POLR3B: variants seen among roughly 807,000 people sequenced by gnomAD.
POLR3B encodes DNA-directed RNA polymerase III subunit RPC2.
In POLR3B, 96 loss-of-function variants were observed where a neutral mutation model predicts 147.4. The observed-to-expected ratio is 0.65, with a 90% CI of 0.55 to 0.77. The LOEUF is 0.77. Ranked by LOEUF, POLR3B falls within the 30% of genes least tolerant of loss-of-function variation. POLR3B has a pLI of 0.00. For synonymous variants in POLR3B, 461 were observed against 485.9 expected (o/e 0.95, Z 0.67); for missense variants, 1,036 against 1,413.5 (o/e 0.73, Z 4.28).
chr12:106,459,104 G>T (rs1023216280), intron 21 of POLR3B, 147 bp from the exon 22 acceptor site: 2 of 656,794 alleles, frequency 3.0e-6, no homozygotes, highest in Non-Finnish European at 5.6e-6. Context: ...ATAGCTCACT[G>T]CAGCCTCAAC....
rs903767927 is a variant in POLR3B, at chr12:106,444,246, A to G, written c.1956-217A>G. Among the ~76,000 whole-genome samples, 13 of 152,180 alleles carry G rather than the reference A, an allele frequency of 8.5e-5. No individual in the cohort carries two copies. In the East Asian group the frequency reaches 9.6e-4, roughly 11 times the overall value. On this transcript the variant is annotated intron_variant, in intron 18 of 27. Transcript: ENST00000228347. ...ATGTGAATATTGTTGATGTATTTCT[A>G]TGTGTTGAATATAGTAATTTATGTG... is the stretch of plus-strand genomic sequence containing the variant.
At chr12:106,363,740 T>G in intron 1 of POLR3B, 130 bp from the exon 2 acceptor site, 2 of 791,264 alleles carry the variant, frequency 2.5e-6, no homozygotes, top group South Asian at 1.5e-5. Flanking sequence ...GTGATTTCCA[T>G]AAAAATGTTT....
chr12:106,405,781 T>C lies in POLR3B; in HGVS notation c.847-76T>C, dbSNP rs2037143423. 4.2e-6 allele frequency: 6 copies of C among 1,415,808 alleles called. No individual in the cohort carries two copies. The East Asian group carries it at 1.4e-4, about 32-fold the overall frequency. 87.7% of individuals were successfully genotyped at this position (1,415,808 alleles called of 1,614,324 possible). On this transcript the variant is annotated intron_variant, in intron 10 of 27. Transcript: ENST00000228347. ...GGGTCTTTATCTCTTTCGCTCATAC[T>C]GTACATGTGGTTAGGTGCTTGCTAA... is the stretch of plus-strand genomic sequence containing the variant.
In POLR3B at chr12:106,496,143, C is replaced by T. The variant is rs1280198019; in HGVS notation, c.2802C>T (p.Phe934=). 1 of 1,601,332 alleles carries T rather than the reference C, an allele frequency of 6.2e-7. No individual in the cohort carries two copies. The highest frequency in any genetic ancestry group is 1.3e-5 in the African/African-American group (1 of 74,772). ...ACATCATCATGAACCCACACGGCTT[C>T]CCATCACGAATGACGGTCAGTGACC... is the stretch of plus-strand genomic sequence containing the variant. The part of the protein sequence containing the change: ...CPDIIMNPHG[F]PSRMTVGKLI... The change falls in exon 24 of 28, where the codon TTC becomes TTT. Residue 934 remains phenylalanine (F), a synonymous_variant. Transcript: ENST00000228347.
At chr12:106,470,299 A>T (rs1279177075) in intron 23 of POLR3B, among the ~76,000 whole-genome samples, 1 of 152,064 alleles carries the variant, frequency 6.6e-6, no homozygotes, top group Non-Finnish European at 1.5e-5. Context: ...TTTCAGTTAC[A>T]TCAGGTCATT....
chr12:106,478,672 A>G (rs1371462710), intron 23 of POLR3B, among the ~76,000 whole-genome samples: 1 of 152,216 alleles, frequency 6.6e-6, no homozygotes, highest in East Asian at 1.9e-4. Context: ...TAACAGAGTA[A>G]TAGAAGGATT....
At chr12:106,446,417 CAAAAA>C (rs10654233) in intron 19 of POLR3B, 470 of 157,956 alleles carry the variant, frequency 3.0e-3, no homozygotes, top group South Asian at 7.7e-3. Flanking sequence ...CCTCTCCCCA[CAAAAA>C]AAAAAAAAAA....
intron 27 of POLR3B, chr12:106,507,691 TA>T (rs2038711189): frequency 2.2e-6 from 1 of 448,556 alleles, no homozygotes; most frequent in African/African-American, 2.0e-5. Flanking sequence ...CCCCTCATCA[TA>T]ACATCAACTG....
chr12:106,501,506 CA>C (rs761664322), intron 26 of POLR3B, 70 bp downstream of exon 26: 10 of 953,092 alleles, frequency 1.0e-5, no homozygotes, highest in Non-Finnish European at 1.7e-5. Context: ...CCAGATATGG[CA>C]AAAAGCAGAC....
In POLR3B at chr12:106,380,123, T is replaced by C. The variant is rs1228446368; in HGVS notation, c.707T>C (p.Ile236Thr). ...RHNTLSEDIP[I>T]VIIFKAMGVE... ...AATACTTTGTCAGAAGATATACCCA[T>C]TGTCATCATATTTAAGGTAAAGCTG... The change falls in exon 9 of 28, where the codon ATT (isoleucine) becomes ACT (threonine). Residue 236 changes from isoleucine to threonine, a missense_variant. Physicochemically the swap from Ile to Thr is moderately conservative, Grantham distance 89. This residue lies in a region of POLR3B where 217 missense variants were observed against 288.7 expected (regional missense o/e 0.75). Coordinates refer to ENST00000228347, the MANE Select transcript of POLR3B (RefSeq NM_018082.6). The C allele has an allele frequency of 3.8e-6, 6 of 1,578,424 alleles. No homozygotes were observed. The highest frequency in any genetic ancestry group is 5.2e-6 in the Non-Finnish European group (6 of 1,147,646).
chr12:106,495,515 C>T (rs1250468884), intron 23 of POLR3B, among the ~76,000 whole-genome samples: 1 of 152,202 alleles, frequency 6.6e-6, no homozygotes, highest in Non-Finnish European at 1.5e-5. Context: ...CCAGCCAGAG[C>T]ACTGCAGCCT....
rs76682648 is a variant in POLR3B, at chr12:106,415,064, G to T, written c.1101+4104G>T. Among the ~76,000 whole-genome samples, 999 of 152,224 alleles carry T rather than the reference G, an allele frequency of 6.6e-3. 10 individuals are homozygous for T. Among genetic ancestry groups the T allele is most frequent in the African/African-American group, 0.023 (936 of 41,530 alleles). ...TTCATCAAATCATCAAATCCTGCCT[G>T]TGCCACTTCCTAAATATATCTCTAA... On this transcript the variant is annotated intron_variant, in intron 12 of 27. Transcript: ENST00000228347.
At chr12:106,499,986 C>T (rs1003044194) in intron 25 of POLR3B, 7 of 421,946 alleles carry the variant, frequency 1.7e-5, no homozygotes, top group Admixed American at 5.4e-5. Context: ...TGCTGTACCC[C>T]AGAGTTTACT....
intron 12 of POLR3B, among the ~76,000 whole-genome samples, chr12:106,411,516 T>G (rs1364851743): frequency 1.3e-5 from 2 of 152,228 alleles, no homozygotes; most frequent in Admixed American, 6.5e-5. Flanking sequence ...ATATACAAAG[T>G]GAAGTATGAC....
Position 106,454,611 on chromosome 12 carries a change from G to A in POLR3B, c.2193G>A (p.Glu731=), listed in dbSNP as rs995463452. ...AAACCATTGAATTGATAGAATTTGA[G>A]AAACTGCCAGCTGGACAGAATGCAA... ...KTKTIELIEF[E]KLPAGQNATV... The change falls in exon 20 of 28, where the codon GAG becomes GAA. Residue 731 remains glutamate (E), a synonymous_variant. Transcript: ENST00000228347. The A allele has an allele frequency of 1.2e-6, 2 of 1,610,816 alleles. No individual in the cohort carries two copies. Among genetic ancestry groups the A allele is most frequent in the Non-Finnish European group, 1.7e-6 (2 of 1,177,286 alleles).
intron 27 of POLR3B, among the ~76,000 whole-genome samples, chr12:106,506,748 G>C (rs961153989): frequency 6.6e-6 from 1 of 152,116 alleles, no homozygotes; most frequent in African/African-American, 2.4e-5. Flanking sequence ...GTCTGATTTT[G>C]AGTGGCCTAC....
At chr12:106,386,197 C>G (rs1299498813) in intron 9 of POLR3B, among the ~76,000 whole-genome samples, 1 of 151,952 alleles carries the variant, frequency 6.6e-6, no homozygotes, top group African/African-American at 2.4e-5. Flanking sequence ...AATACAAAAA[C>G]TAGCCGGGCA....
intron 23 of POLR3B, among the ~76,000 whole-genome samples, chr12:106,472,985 T>C (rs2038115239): frequency 8.6e-6 from 1 of 116,290 alleles, no homozygotes; most frequent in South Asian, 2.9e-4. Flanking sequence ...TCTAGGGTTT[T>C]TATGGTTTTA....
intron 17 of POLR3B, 67 bp downstream of exon 17, chr12:106,437,198 A>G: frequency 2.7e-6 from 3 of 1,105,682 alleles, no homozygotes; most frequent in East Asian, 4.9e-5. Context: ...AGAAAAGTGT[A>G]TTTTCATTTT....
Sources: allele counts gnomAD v4.1 joint callset (sites outside exome capture counted in the v4.1 genomes callset), GRCh38; gene constraint gnomAD v4.1.1; regional missense constraint gnomAD v4.1.1; transcripts MANE v1.5; gene names NCBI Gene and HGNC (gene_info 2026-07-23, HGNC 2026-07-21).